Variants in SEMA3A observed in about 807,000 individuals in gnomAD.
SEMA3A encodes the protein semaphorin-3A.
Under a neutral mutation model 97.9 loss-of-function variants are expected in SEMA3A, and 29 were observed. The observed-to-expected ratio is 0.30, with a 90% confidence interval of 0.22 to 0.40. SEMA3A has a LOEUF of 0.40. SEMA3A is among the 10% of genes least tolerant of loss of function. SEMA3A has a pLI of 1.00. For missense variants in SEMA3A, 763 were observed against 951.3 expected, an observed-to-expected ratio of 0.80 and a Z score of 2.60; for synonymous variants, 321 against 323.7, an observed-to-expected ratio of 0.99 and a Z score of 0.09.
At chr7:84,066,433 G>C (rs1277957562) in intron 4 of SEMA3A, among the ~76,000 whole-genome samples, 5 of 139,762 alleles carry the variant, frequency 3.6e-5, no homozygotes, top group African/African-American at 1.4e-4. Flanking sequence ...CAGTTAGGCA[G>C]GAGAAGGAAA....
rs1362282906 is a variant in SEMA3A at position 83,961,667 on chromosome 7, C to T, written c.2020G>A (p.Glu674Lys). Residue 674 changes from glutamate (E) to lysine (K), a missense_variant, in exon 17 of 17, where the codon GAA (glutamate) becomes AAA (lysine). Transcript: ENST00000265362. Reference sequence around the variant, plus strand: ...TCATCATCTTTATGAAGAAGTTCTTCCAAATGCTCTGTGTCAATGACTTCC... The same window carrying T: ...TCATCATCTTTATGAAGAAGTTCTTTCAAATGCTCTGTGTCAATGACTTCC... ...TLEVIDTEHL[E>K]ELLHKDDDGD... 3 of 1,613,636 alleles carry T rather than the reference C, an allele frequency of 1.9e-6. No homozygotes were observed. The Admixed American group carries it at 5.0e-5, about 27-fold the overall frequency.
At chr7:83,994,730 AG>A (rs1389512083) in intron 12 of SEMA3A, among the ~76,000 whole-genome samples, 1 of 150,880 alleles carries the variant, frequency 6.6e-6, no homozygotes, top group Non-Finnish European at 1.5e-5. Flanking sequence ...GCTGTCAGAC[AG>A]GGCCATTTAA....
At chr7:84,036,570 C>T (rs149359844) in intron 6 of SEMA3A, among the ~76,000 whole-genome samples, 2 of 152,028 alleles carry the variant, frequency 1.3e-5, no homozygotes, top group African/African-American at 4.8e-5. Flanking sequence ...TAAATAGAAA[C>T]ATTGTTGAAT....
chr7:84,394,398 A>G (rs956034290), intron 1 of SEMA3A, among the ~76,000 whole-genome samples: 3 of 152,074 alleles, frequency 2.0e-5, no homozygotes, highest in African/African-American at 7.2e-5. Context: ...AGAGATTTTT[A>G]TGTAGAATCA....
chr7:84,155,346 G>A (rs1796810791), intron 1 of SEMA3A, among the ~76,000 whole-genome samples: 1 of 152,066 alleles, frequency 6.6e-6, no homozygotes, highest in African/African-American at 2.4e-5. Context: ...CTCTCTGGGA[G>A]AGTTGTCGTC....
intron 1 of SEMA3A, among the ~76,000 whole-genome samples, chr7:84,443,401 T>C (rs1805321137): frequency 6.6e-6 from 1 of 152,196 alleles, no homozygotes; most frequent in African/African-American, 2.4e-5. Flanking sequence ...ATTTTGTCCA[T>C]TCCTAAAGAA....
At chr7:84,407,441 T>C (rs1398648947) in intron 1 of SEMA3A, among the ~76,000 whole-genome samples, 1 of 152,170 alleles carries the variant, frequency 6.6e-6, no homozygotes, top group East Asian at 1.9e-4. Context: ...GTAGGAAGAA[T>C]CAATATCGTG....
At chr7:83,998,009 T>A (rs1790288298) in intron 12 of SEMA3A, among the ~76,000 whole-genome samples, 1 of 152,098 alleles carries the variant, frequency 6.6e-6, no homozygotes. Flanking sequence ...GTGCTGGAAT[T>A]ACAGGTGTGA....
At chr7:84,414,228 T>G (rs1239695975) in intron 1 of SEMA3A, among the ~76,000 whole-genome samples, 1 of 152,122 alleles carries the variant, frequency 6.6e-6, no homozygotes, top group Admixed American at 6.6e-5. Flanking sequence ...CACCTGTGTA[T>G]GAACATCTAT....
chr7:84,324,500 A>T (rs1476254820), intron 2 of SEMA3A, among the ~76,000 whole-genome samples: 2 of 152,194 alleles, frequency 1.3e-5, no homozygotes, highest in African/African-American at 4.8e-5. Flanking sequence ...GTCATAAAGC[A>T]AAAAGAAAAG....
intron 4 of SEMA3A, among the ~76,000 whole-genome samples, chr7:84,065,051 G>A (rs1240501417): frequency 6.6e-6 from 1 of 150,556 alleles, no homozygotes; most frequent in Non-Finnish European, 1.5e-5. Flanking sequence ...TAAAAGAACA[G>A]AAATTATAAC....
chr7:84,205,652 C>T (rs533800282), intron 3 of SEMA3A, among the ~76,000 whole-genome samples: 49 of 152,184 alleles, frequency 3.2e-4, no homozygotes, highest in African/African-American at 1.1e-3. Context: ...AATAGAATTA[C>T]AATTCCTATG....
intron 1 of SEMA3A, among the ~76,000 whole-genome samples, chr7:84,140,616 G>C (rs1181009367): frequency 1.3e-5 from 2 of 152,054 alleles, no homozygotes; most frequent in African/African-American, 2.4e-5. Flanking sequence ...GTAGTCAAAG[G>C]CTGGGTCTAT....
At chr7:83,980,623 A>AAAAAAAAAAAAAAAAAAATATAT (rs1310318006) in intron 14 of SEMA3A, among the ~76,000 whole-genome samples, 1 of 71,762 alleles carries the variant, frequency 1.4e-5, no homozygotes, top group Non-Finnish European at 2.4e-5. Context: ...AAAAAAAAAA[A>AAAAAAAAAAAAAAAAAAATATAT]ATATATATAT....
intron 1 of SEMA3A, among the ~76,000 whole-genome samples, chr7:84,443,912 A>G: frequency 8.1e-6 from 1 of 123,766 alleles, no homozygotes; most frequent in African/African-American, 3.1e-5. Flanking sequence ...TTTGAGACAG[A>G]GTCTCACTCT....
intron 1 of SEMA3A, among the ~76,000 whole-genome samples, chr7:84,464,632 A>T (rs555129605): frequency 6.6e-6 from 1 of 152,330 alleles, no homozygotes; most frequent in South Asian, 2.1e-4. Flanking sequence ...ATTGCCACAG[A>T]AATCCATAAA....
chr7:84,007,647 T>G, intron 9 of SEMA3A, 150 bp from the exon 10 acceptor site: 1 of 678,962 alleles, frequency 1.5e-6, no homozygotes, highest in Non-Finnish European at 2.1e-6. Flanking sequence ...TCTAGTCACA[T>G]GTATGCATTT....
At chr7:84,323,257 A>G (rs1801694460) in intron 2 of SEMA3A, among the ~76,000 whole-genome samples, 1 of 152,220 alleles carries the variant, frequency 6.6e-6, no homozygotes, top group Admixed American at 6.5e-5. Flanking sequence ...TATGTCAATC[A>G]AAAGTATCAA....
chr7:84,188,165 T>G (rs1797939597), intron 1 of SEMA3A, among the ~76,000 whole-genome samples: 1 of 152,062 alleles, frequency 6.6e-6, no homozygotes, highest in Non-Finnish European at 1.5e-5. Flanking sequence ...TTAAAATGTG[T>G]GGTTCCTTTA....
Sources: gnomAD v4.1 joint callset for allele counts (sites outside exome capture counted in the v4.1 genomes callset) on GRCh38, gnomAD v4.1.1 for gene constraint, MANE v1.5 for transcripts, NCBI Gene and HGNC (gene_info 2026-07-23, HGNC 2026-07-21) for gene names.